Variants in GOLGA5 observed in about 807,000 individuals in gnomAD.
GOLGA5 encodes the protein golgin A5.
A neutral mutation model predicts 93.5 loss-of-function variants in GOLGA5; 50 were observed. That is an observed-to-expected ratio of 0.53 (90% CI 0.43 to 0.68). The LOEUF is 0.68. Ranked by LOEUF, GOLGA5 falls within the 30% of genes least tolerant of loss-of-function variation. The pLI, the probability that GOLGA5 is intolerant of heterozygous loss-of-function variation, is 0.00. For missense variants in GOLGA5, 760 were observed against 856.4 expected, an observed-to-expected ratio of 0.89 and a Z score of 1.40; for synonymous variants, 312 against 304.5, an observed-to-expected ratio of 1.02 and a Z score of -0.26.
chr14:92,831,916 G>C (rs1207663048), intron 9 of GOLGA5, among the ~76,000 whole-genome samples: 1 of 152,158 alleles, frequency 6.6e-6, no homozygotes, highest in Non-Finnish European at 1.5e-5. Context: ...CAAGGAAACA[G>C]GCTCAGATTT....
Position 92,839,711 on chromosome 14 carries a change from A to T in GOLGA5, c.*265A>T. On this transcript the variant is annotated 3_prime_UTR_variant, in exon 13 of 13. Transcript: ENST00000163416. ...GGTCCTAATATATATGTAGAGAAAG[A>T]TGGTGGGGTTGTTCACCTCTGTACA... 2.0e-6 allele frequency: 1 copy of T among 505,688 alleles called. No individual in the cohort carries two copies. The allele number at this position is 505,688 out of a possible 1,614,324, so 31.3% of individuals were successfully genotyped here. A position where few individuals can be genotyped will look rare whatever the true frequency, so the allele number is the denominator to read the frequency against.
intron 9 of GOLGA5, among the ~76,000 whole-genome samples, chr14:92,827,543 C>A (rs766543194): frequency 1.3e-5 from 2 of 152,174 alleles, no homozygotes; most frequent in African/African-American, 2.4e-5. Flanking sequence ...CTTTAAGACA[C>A]AGCAATATTG....
rs1375892585 is a variant in GOLGA5 at position 92,835,065 on chromosome 14, C to CT, written c.1946-493dup. On this transcript the variant is annotated intron_variant, in intron 10 of 12. Coordinates refer to ENST00000163416, the MANE Select transcript of GOLGA5 (RefSeq NM_005113.4). ...ATGTCCTGAGACAGGGAAATGGCAG[C>CT]TGAGGCAGGTTGACAGCGAGGACAA... 2.0e-5 allele frequency among the ~76,000 whole-genome samples: 3 copies of CT among 152,166 alleles called. No individual in the cohort carries two copies. The East Asian group carries it at 5.8e-4, about 29-fold the overall frequency.
intron 8 of GOLGA5, among the ~76,000 whole-genome samples, chr14:92,823,212 A>G (rs1885350256): frequency 6.6e-6 from 1 of 151,980 alleles, no homozygotes. Flanking sequence ...ATTTTTTTAA[A>G]TAGTTTATTG....
intron 1 of GOLGA5, 31 bp from the exon 2 acceptor site, chr14:92,797,377 C>T: frequency 1.6e-6 from 2 of 1,277,954 alleles, no homozygotes; most frequent in Non-Finnish European, 2.2e-6. Flanking sequence ...TGCCACTATG[C>T]CACACTGATC....
Position 92,838,837 on chromosome 14 carries a change from G to A in GOLGA5, c.2116-529G>A, listed in dbSNP as rs114041619. 9.6e-3 allele frequency among the ~76,000 whole-genome samples: 1,463 copies of A among 152,174 alleles called. 20 individuals carry two copies. Among genetic ancestry groups the A allele is most frequent in the African/African-American group, 0.032 (1,342 of 41,524 alleles). On this transcript the variant is annotated intron_variant, in intron 12 of 12. Coordinates refer to ENST00000163416, the MANE Select transcript of GOLGA5 (RefSeq NM_005113.4). The stretch of plus-strand genomic sequence containing the variant: ...CCATGAGATGTGATTTCTGGCACAC[G>A]ACAAAGTGGTGAGGCACTTAGTGAT...
chr14:92,826,932 G>A (rs1184332832), intron 9 of GOLGA5, among the ~76,000 whole-genome samples: 1 of 151,982 alleles, frequency 6.6e-6, no homozygotes, highest in Admixed American at 6.6e-5. Flanking sequence ...AGCGCTAACT[G>A]TAGAAGAAAA....
rs1352081961 is a variant in GOLGA5 at position 92,797,496 on chromosome 14, A to G, written c.59A>G (p.Gln20Arg). Residue 20 changes from glutamine to arginine, a missense_variant, in exon 2 of 13, where the codon CAA becomes CGA. Transcript: ENST00000163416. ...GAAGATCTTTTAAACCGAGTTGATC[A>G]AGGGGCTGCAACAGCTCTCAGTAGG... ...KAEDLLNRVD[Q>R]GAATALSRKD... is the part of the protein sequence containing the mutation. 6 of 1,613,552 alleles carry G rather than the reference A, an allele frequency of 3.7e-6. No homozygotes were observed. The highest frequency in any genetic ancestry group is 2.2e-5 in the East Asian group (1 of 44,902).
At chr14:92,805,082 T>C (rs950768831) in intron 2 of GOLGA5, among the ~76,000 whole-genome samples, 6 of 152,238 alleles carry the variant, frequency 3.9e-5, no homozygotes, top group African/African-American at 1.2e-4. Flanking sequence ...ATATGACGAA[T>C]GGCAATACCT....
chr14:92,795,201 TGTG>T (rs1884698691), intron 1 of GOLGA5, among the ~76,000 whole-genome samples: 1 of 152,150 alleles, frequency 6.6e-6, no homozygotes, highest in Non-Finnish European at 1.5e-5. Flanking sequence ...GGCCTCCCAG[TGTG>T]TTGGGATTAC....
chr14:92,837,738 A>AT (rs1885676782), intron 12 of GOLGA5, among the ~76,000 whole-genome samples: 2 of 151,866 alleles, frequency 1.3e-5, no homozygotes, highest in South Asian at 2.1e-4. Flanking sequence ...TAATATTTGT[A>AT]TTTTTTGTAG....
chr14:92,798,751 A>G (rs976332691), intron 2 of GOLGA5, among the ~76,000 whole-genome samples: 3 of 152,176 alleles, frequency 2.0e-5, no homozygotes, highest in Middle Eastern at 3.2e-3. Flanking sequence ...CTTTGTCTCT[A>G]CAAAAAATAC....
intron 10 of GOLGA5, among the ~76,000 whole-genome samples, chr14:92,834,871 C>A (rs554489147): frequency 3.6e-4 from 55 of 152,270 alleles, no homozygotes; most frequent in African/African-American, 1.2e-3. Context: ...GTAGCCATTG[C>A]ATTAATCCAT....
chr14:92,834,274 C>T (rs1324288466), intron 10 of GOLGA5, among the ~76,000 whole-genome samples: 6 of 149,920 alleles, frequency 4.0e-5, no homozygotes, highest in South Asian at 4.2e-4. Flanking sequence ...CATATGTATA[C>T]ATGTGCCATG....
chr14:92,824,985 C>A (rs11160091), intron 9 of GOLGA5, among the ~76,000 whole-genome samples: 122,878 of 152,196 alleles, frequency 0.81, 50,141 homozygotes, highest in African/African-American at 0.91. Context: ...TCTAATGATA[C>A]ATCTTCCTAT....
At chr14:92,839,250 T>C in intron 12 of GOLGA5, 116 bp from the exon 13 acceptor site, 1 of 649,394 alleles carries the variant, frequency 1.5e-6, no homozygotes, top group South Asian at 1.9e-5. Flanking sequence ...TTCCTTCATG[T>C]GTCCCATAGG....
chr14:92,811,784 T>C (rs762004496), intron 6 of GOLGA5, 30 bp downstream of exon 6: 1 of 1,494,348 alleles, frequency 6.7e-7, no homozygotes, highest in South Asian at 1.1e-5. Flanking sequence ...TTTTGGATGT[T>C]AAGATGTGCA....
intron 8 of GOLGA5, among the ~76,000 whole-genome samples, chr14:92,820,666 A>G (rs866622481): frequency 6.6e-6 from 1 of 152,206 alleles, no homozygotes; most frequent in Admixed American, 6.5e-5. Context: ...TTTCCAGGGC[A>G]GAGGTCCCTG....
At chr14:92,829,909 C>A (rs993599895) in intron 9 of GOLGA5, among the ~76,000 whole-genome samples, 3 of 152,168 alleles carry the variant, frequency 2.0e-5, no homozygotes, top group African/African-American at 7.2e-5. Flanking sequence ...TCCACCCCAG[C>A]CCTCAGCAGC....
Sources: allele counts gnomAD v4.1 joint callset (sites outside exome capture counted in the v4.1 genomes callset), GRCh38; gene constraint gnomAD v4.1.1; transcripts MANE v1.5; gene names NCBI Gene and HGNC (gene_info 2026-07-23, HGNC 2026-07-21).